The following PLCG2 variants were observed in gnomAD, a reference collection of about 807,000 sequenced individuals.
The protein encoded by PLCG2 is phospholipase C gamma 2, also known as 1-phosphatidylinositol 4,5-bisphosphate phosphodiesterase gamma-2.
A neutral mutation model predicts 175.6 loss-of-function variants in PLCG2; 69 were observed. The observed-to-expected ratio is 0.39, with a 90% CI of 0.32 to 0.48. The LOEUF (loss-of-function observed/expected upper bound fraction) is 0.48. Among genes scored for constraint, PLCG2 ranks in the 20% least tolerant of loss-of-function variants. The probability of loss-of-function intolerance (pLI) is 0.91; values close to 1 mark genes in which losing one functional copy is unlikely to be tolerated. For missense variants in PLCG2, 1,798 were observed against 1,650.9 expected, an observed-to-expected ratio of 1.09 and a Z score of -1.54; for synonymous variants, 827 against 624.0, an observed-to-expected ratio of 1.33 and a Z score of -4.85.
chr16:81,817,753 C>G (rs1442453411), intron 2 of PLCG2, among the ~76,000 whole-genome samples: 1 of 152,234 alleles, frequency 6.6e-6, no homozygotes, highest in Non-Finnish European at 1.5e-5. Flanking sequence ...TCTCAGAGAG[C>G]TGGGGTTACA....
chr16:81,875,283 A>G (rs1018810585), intron 7 of PLCG2, among the ~76,000 whole-genome samples: 1 of 151,902 alleles, frequency 6.6e-6, no homozygotes, highest in South Asian at 2.1e-4. Flanking sequence ...TGTTTTGTAT[A>G]CATTTAATTC....
intron 5 of PLCG2, among the ~76,000 whole-genome samples, chr16:81,865,570 C>T (rs536405629): frequency 6.6e-6 from 1 of 152,332 alleles, no homozygotes; most frequent in African/African-American, 2.4e-5. Flanking sequence ...AGCAGCTGCT[C>T]TGGCACCCCA....
At chr16:81,880,524 G>C (rs961934846) in intron 7 of PLCG2, among the ~76,000 whole-genome samples, 2 of 152,118 alleles carry the variant, frequency 1.3e-5, no homozygotes, top group Non-Finnish European at 2.9e-5. Context: ...TCAAAGAAAG[G>C]AAACAGGGTT....
chr16:81,954,516 A>G (rs1206098235), intron 31 of PLCG2, among the ~76,000 whole-genome samples: 2 of 152,112 alleles, frequency 1.3e-5, no homozygotes, highest in African/African-American at 4.8e-5. Flanking sequence ...CCAACTAGCC[A>G]TGGTGTGTGT....
chr16:81,912,034 T>A (rs1209690744), intron 18 of PLCG2, among the ~76,000 whole-genome samples: 1 of 152,110 alleles, frequency 6.6e-6, no homozygotes, highest in African/African-American at 2.4e-5. Context: ...CCTGACCTCA[T>A]GATCCACCCG....
intron 30 of PLCG2, among the ~76,000 whole-genome samples, chr16:81,943,284 G>A (rs539417203): frequency 1.3e-5 from 2 of 152,218 alleles, no homozygotes; most frequent in Non-Finnish European, 2.9e-5. Flanking sequence ...GGCTGTACAG[G>A]CTTTTGTTTC....
intron 9 of PLCG2, among the ~76,000 whole-genome samples, chr16:81,887,934 A>G (rs966001043): frequency 4.6e-5 from 7 of 152,218 alleles, no homozygotes; most frequent in African/African-American, 1.4e-4. Context: ...CTGGTCATGT[A>G]TATTTCAGAC....
At chr16:81,897,193 G>T (rs1369876633) in intron 13 of PLCG2, among the ~76,000 whole-genome samples, 1 of 152,240 alleles carries the variant, frequency 6.6e-6, no homozygotes, top group East Asian at 1.9e-4. Flanking sequence ...CTCCTGGTTT[G>T]GGTTCCTTGT....
chr16:81,876,992 A>G (rs901927609), intron 7 of PLCG2, among the ~76,000 whole-genome samples: 1 of 152,176 alleles, frequency 6.6e-6, no homozygotes, highest in South Asian at 2.1e-4. Flanking sequence ...TTAGGAGAAA[A>G]GTCCTTGCCT....
intron 31 of PLCG2, among the ~76,000 whole-genome samples, chr16:81,947,309 A>T (rs1911190516): frequency 6.6e-6 from 1 of 152,184 alleles, no homozygotes; most frequent in Non-Finnish European, 1.5e-5. Context: ...CGACGCTCAC[A>T]AATCTGCTTT....
intron 6 of PLCG2, among the ~76,000 whole-genome samples, chr16:81,869,877 A>G (rs149560359): frequency 1.3e-5 from 2 of 152,270 alleles, no homozygotes; most frequent in South Asian, 4.1e-4. Context: ...GATGGAGACA[A>G]TGGGCACCGA....
intron 2 of PLCG2, 33 bp from the exon 3 acceptor site, chr16:81,854,411 G>C (rs1268697613): frequency 5.0e-6 from 8 of 1,609,064 alleles, no homozygotes; most frequent in Non-Finnish European, 6.8e-6. Context: ...GGGAACTCCA[G>C]CTTCTAATTG....
intron 30 of PLCG2, among the ~76,000 whole-genome samples, chr16:81,942,841 T>C (rs1567543819): frequency 1.3e-5 from 2 of 152,164 alleles, no homozygotes; most frequent in African/African-American, 4.8e-5. Context: ...GCCAGATGCA[T>C]TGATCTTACT....
At chr16:81,818,784 G>A (rs1904663638) in intron 2 of PLCG2, among the ~76,000 whole-genome samples, 1 of 151,908 alleles carries the variant, frequency 6.6e-6, no homozygotes, top group Non-Finnish European at 1.5e-5. Flanking sequence ...TCTGGCATAA[G>A]GGAGGAGTGT....
intron 2 of PLCG2, among the ~76,000 whole-genome samples, chr16:81,828,179 A>G (rs1250799038): frequency 2.0e-5 from 3 of 148,916 alleles, no homozygotes; most frequent in Non-Finnish European, 3.0e-5. Flanking sequence ...CTGTACCCTG[A>G]TGCAGTTCCC....
chr16:81,756,624 T>C (rs1457690605), intron 2 of PLCG2, among the ~76,000 whole-genome samples: 1 of 152,120 alleles, frequency 6.6e-6, no homozygotes, highest in Non-Finnish European at 1.5e-5. Flanking sequence ...GGAAGCTAAG[T>C]GAGAGGTACC....
chr16:81,805,515 A>C (rs1464509333), intron 2 of PLCG2, among the ~76,000 whole-genome samples: 2 of 148,026 alleles, frequency 1.4e-5, no homozygotes, highest in Admixed American at 6.7e-5. Context: ...AAAAAAAAAA[A>C]AAACAAAACG....
chr16:81,918,187 A>C (rs1274476290), intron 19 of PLCG2, among the ~76,000 whole-genome samples: 15 of 152,266 alleles, frequency 9.9e-5, no homozygotes, highest in Non-Finnish European at 2.1e-4. Flanking sequence ...GGCTATGTAG[A>C]AGCCTCTTAG....
At chr16:81,943,710 T>C (rs945935402) in intron 30 of PLCG2, among the ~76,000 whole-genome samples, 2 of 152,258 alleles carry the variant, frequency 1.3e-5, no homozygotes, top group Admixed American at 1.3e-4. Context: ...ATCACTGGGC[T>C]AGTCTGCAAG....
Sources: gnomAD v4.1 joint callset for allele counts (sites outside exome capture counted in the v4.1 genomes callset) on GRCh38, gnomAD v4.1.1 for gene constraint, MANE v1.5 for transcripts, NCBI Gene and HGNC (gene_info 2026-07-23, HGNC 2026-07-21) for gene names.